USP32: variants seen among roughly 807,000 people sequenced by gnomAD.
USP32 encodes the protein ubiquitin specific peptidase 32.
In USP32, 59 loss-of-function variants were observed where a neutral mutation model predicts 204.8. That is an observed-to-expected ratio of 0.29 (90% confidence interval 0.23 to 0.36). USP32 has a LOEUF of 0.36. Ranked by LOEUF, USP32 falls within the 10% of genes least tolerant of loss-of-function variation. USP32 has a pLI of 1.00. For missense variants in USP32, 1,160 were observed against 1,946.4 expected (o/e 0.60, Z 7.60); for synonymous variants, 517 against 678.4 (o/e 0.76, Z 3.70).
At position 60,181,557 on chromosome 17, in the gene USP32, A is replaced by G. The variant is rs749332349; in HGVS notation, c.4315T>C (p.Cys1439Arg). ...CGACTCAAGGCGTCAGCCAGCTCAC[A>G]TATCTGCCCAGCCCCATTTTCTTTG... ...ASKENGAGQI[C>R]ELADALSRGH... Residue 1439 changes from cysteine (C) to arginine (R), a missense_variant, in exon 32 of 34, where the codon TGT (cysteine) becomes CGT (arginine). This residue lies in a region of USP32 where 244 missense variants were observed against 342.3 expected (regional missense o/e 0.71). Transcript: ENST00000300896. 3.1e-6 allele frequency: 5 copies of G among 1,613,990 alleles called. No homozygotes were observed. Among genetic ancestry groups the G allele is most frequent in the Non-Finnish European group, 4.2e-6 (5 of 1,179,870 alleles).
At chr17:60,194,093 A>G (rs1452317194) in intron 27 of USP32, among the ~76,000 whole-genome samples, 11 of 151,668 alleles carry the variant, frequency 7.3e-5, no homozygotes, top group Non-Finnish European at 1.0e-4. Context: ...CCCAGGCTGG[A>G]GTGCAGTGGC....
chr17:60,267,761 C>T (rs970709428), intron 7 of USP32, among the ~76,000 whole-genome samples: 4 of 151,200 alleles, frequency 2.6e-5, no homozygotes, highest in African/African-American at 7.3e-5. Context: ...CCTTGTGATC[C>T]GCCTGCCTTG....
At chr17:60,422,399 G>A in exon 1 of USP32, 1 of 1,397,238 alleles carries the variant, frequency 7.2e-7, no homozygotes, top group Non-Finnish European at 9.5e-7. Flanking sequence ...GCCAGCTGCA[G>A]CCACCCCTAA....
At chr17:60,274,193 C>T (rs1228087999) in intron 5 of USP32, among the ~76,000 whole-genome samples, 1 of 151,970 alleles carries the variant, frequency 6.6e-6, no homozygotes, top group African/African-American at 2.4e-5. Flanking sequence ...GAGGACTTAA[C>T]AGCCAATTAT....
intron 2 of USP32, among the ~76,000 whole-genome samples, chr17:60,305,755 A>T (rs371541924): frequency 6.6e-6 from 1 of 152,362 alleles, no homozygotes; most frequent in East Asian, 1.9e-4. Context: ...TGACTTTAAT[A>T]CAAAGAGTAA....
intron 31 of USP32, 76 bp from the exon 32 acceptor site, chr17:60,181,824 G>A: frequency 1.3e-6 from 2 of 1,546,534 alleles, no homozygotes; most frequent in Non-Finnish European, 8.7e-7. Context: ...CTACCTCTGA[G>A]GTTAGCTTCA....
intron 2 of USP32, among the ~76,000 whole-genome samples, chr17:60,329,242 A>G (rs2088319013): frequency 6.6e-6 from 1 of 151,846 alleles, no homozygotes; most frequent in South Asian, 2.1e-4. Flanking sequence ...TCTTCTTGGT[A>G]TATTTTATTG....
At chr17:60,268,582 C>CA (rs57060420) in intron 7 of USP32, among the ~76,000 whole-genome samples, 1,566 of 43,976 alleles carry the variant, frequency 0.036, 21 homozygotes, top group East Asian at 0.044. Flanking sequence ...GACCCTGTCT[C>CA]AAAAAAAAAA....
chr17:60,273,615 GA>G (rs2086772159), intron 5 of USP32, among the ~76,000 whole-genome samples: 1 of 152,050 alleles, frequency 6.6e-6, no homozygotes, highest in Non-Finnish European at 1.5e-5. Flanking sequence ...ATCATCCAAA[GA>G]AAACATGAAA....
intron 10 of USP32, among the ~76,000 whole-genome samples, chr17:60,254,212 T>C (rs1274784435): frequency 1.3e-5 from 2 of 152,242 alleles, no homozygotes; most frequent in Non-Finnish European, 2.9e-5. Flanking sequence ...ATAAATTATC[T>C]TTAAAAATCA....
At chr17:60,243,906 C>T (rs747539467) in intron 11 of USP32, among the ~76,000 whole-genome samples, 1 of 151,904 alleles carries the variant, frequency 6.6e-6, no homozygotes, top group Non-Finnish European at 1.5e-5. Flanking sequence ...AACCTAAAAG[C>T]CATTTTCTTT....
Position 60,208,628 on chromosome 17 carries a change from T to C in USP32, c.2773+26A>G, listed in dbSNP as rs1227409639. 4 of 1,467,952 alleles carry C rather than the reference T, an allele frequency of 2.7e-6. No individual in the cohort carries two copies. In the Admixed American group the frequency reaches 7.8e-5, roughly 29 times the overall value. 90.9% of individuals were successfully genotyped at this position (1,467,952 alleles called of 1,614,324 possible). A position where few individuals can be genotyped will look rare whatever the true frequency, so the allele number is the denominator to read the frequency against. ...ATAAAGTAAATTTAATGGAGTCAAGTAATTTTTCAGAACTTTCTGACCTAC... is the reference window on the plus strand; with the variant it reads ...ATAAAGTAAATTTAATGGAGTCAAGCAATTTTTCAGAACTTTCTGACCTAC... On this transcript the variant is annotated intron_variant, in intron 23 of 33. Coordinates refer to ENST00000300896, the MANE Select transcript of USP32 (RefSeq NM_032582.4).
At chr17:60,411,324 A>AAAAT (rs112375424) in intron 1 of USP32, among the ~76,000 whole-genome samples, 14,962 of 138,514 alleles carry the variant, frequency 0.11, 1,796 homozygotes, top group African/African-American at 0.3. Context: ...AACTGTCTCA[A>AAAAT]AAATAAATAA....
At chr17:60,241,248 T>C (rs73324905) in intron 11 of USP32, among the ~76,000 whole-genome samples, 10,193 of 152,046 alleles carry the variant, frequency 0.067, 1,205 homozygotes, top group African/African-American at 0.23. Context: ...ATTCACCCAC[T>C]GTGGCCTCCC....
At chr17:60,295,520 T>C (rs1352775587) in intron 3 of USP32, among the ~76,000 whole-genome samples, 1 of 152,200 alleles carries the variant, frequency 6.6e-6, no homozygotes, top group African/African-American at 2.4e-5. Flanking sequence ...AACTTTAAAT[T>C]GCACACTGTT....
At chr17:60,330,517 TC>T (rs141371172) in intron 2 of USP32, among the ~76,000 whole-genome samples, 20,165 of 148,660 alleles carry the variant, frequency 0.14, 3,072 homozygotes, top group African/African-American at 0.37. Context: ...TCTCTCTCTC[TC>T]CCCCCCTCCC....
At chr17:60,390,652 C>T (rs1203880329) in intron 1 of USP32, among the ~76,000 whole-genome samples, 1 of 152,176 alleles carries the variant, frequency 6.6e-6, no homozygotes, top group African/African-American at 2.4e-5. Context: ...TGAACTTACC[C>T]ACTTACCCCT....
At chr17:60,239,709 T>A (rs764277165) in intron 11 of USP32, among the ~76,000 whole-genome samples, 1 of 152,142 alleles carries the variant, frequency 6.6e-6, no homozygotes, top group Non-Finnish European at 1.5e-5. Flanking sequence ...CATATATCAT[T>A]CTCTTGGTTT....
chr17:60,222,951 G>A (rs1231911913), intron 14 of USP32, among the ~76,000 whole-genome samples: 1 of 151,964 alleles, frequency 6.6e-6, no homozygotes, highest in Non-Finnish European at 1.5e-5. Context: ...CAAAGTGCTA[G>A]GATTACAGGC....
Sources: allele counts gnomAD v4.1 joint callset (sites outside exome capture counted in the v4.1 genomes callset), GRCh38; gene constraint gnomAD v4.1.1; regional missense constraint gnomAD v4.1.1; transcripts MANE v1.5; gene names NCBI Gene and HGNC (gene_info 2026-07-23, HGNC 2026-07-21).